Variants in FBXO42 observed in about 807,000 individuals in gnomAD.
The protein encoded by FBXO42 is F-box protein 42.
Under a neutral mutation model 71.7 loss-of-function variants are expected in FBXO42, and 12 were observed. The ratio of observed to expected loss-of-function variants is 0.17; its 90% CI spans 0.11 to 0.27. The LOEUF is 0.27. Among genes scored for constraint, FBXO42 ranks in the 10% least tolerant of loss-of-function variants. The pLI, the probability that FBXO42 is intolerant of heterozygous loss-of-function variation, is 1.00. For missense variants in FBXO42, 707 were observed against 911.9 expected (o/e 0.78, Z 2.89); for synonymous variants, 325 against 327.5 (o/e 0.99, Z 0.08).
At chr1:16,263,595 C>T (rs2081737839) in intron 4 of FBXO42, among the ~76,000 whole-genome samples, 1 of 151,126 alleles carries the variant, frequency 6.6e-6, no homozygotes, top group Non-Finnish European at 1.5e-5. Context: ...TGGTGGTGCA[C>T]ACCTGTAATC....
chr1:16,255,129 C>G (rs914754214), intron 6 of FBXO42, among the ~76,000 whole-genome samples: 3 of 152,164 alleles, frequency 2.0e-5, no homozygotes, highest in African/African-American at 7.2e-5. Flanking sequence ...TCTGCAGGCA[C>G]AGCACAGCAG....
intron 4 of FBXO42, among the ~76,000 whole-genome samples, chr1:16,277,674 G>A (rs1287641960): frequency 4.1e-5 from 6 of 144,722 alleles, no homozygotes; most frequent in East Asian, 4.1e-4. Flanking sequence ...GCAATGAGCC[G>A]AAATTCGCCA....
At chr1:16,331,590 G>A (rs6687157) in intron 1 of FBXO42, among the ~76,000 whole-genome samples, 50,381 of 147,580 alleles carry the variant, frequency 0.34, 8,870 homozygotes, top group African/African-American at 0.41. Context: ...CCCTGTCTCT[G>A]CTAAAAATAC....
chr1:16,334,021 AT>A (rs2100615017), intron 1 of FBXO42, among the ~76,000 whole-genome samples: 1 of 152,342 alleles, frequency 6.6e-6, no homozygotes, highest in African/African-American at 2.4e-5. Flanking sequence ...ATTCTGTACC[AT>A]TTCTATGAAA....
intron 4 of FBXO42, among the ~76,000 whole-genome samples, chr1:16,262,108 T>C (rs1451858430): frequency 2.0e-5 from 3 of 152,186 alleles, no homozygotes; most frequent in Non-Finnish European, 4.4e-5. Flanking sequence ...ACTTTAAGAA[T>C]TGATATTGTG....
At chr1:16,302,573 A>T (rs964325819) in intron 3 of FBXO42, among the ~76,000 whole-genome samples, 5 of 152,104 alleles carry the variant, frequency 3.3e-5, no homozygotes, top group African/African-American at 1.2e-4. Context: ...GCAGTGGTGC[A>T]ATCTCAGCTC....
At chr1:16,291,401 G>C (rs2082076530) in intron 4 of FBXO42, among the ~76,000 whole-genome samples, 1 of 150,210 alleles carries the variant, frequency 6.7e-6, no homozygotes, top group African/African-American at 2.5e-5. Flanking sequence ...ATTTTATTTT[G>C]AGACAGTCTC....
intron 3 of FBXO42, among the ~76,000 whole-genome samples, chr1:16,298,975 T>C (rs2100540918): frequency 6.6e-6 from 1 of 152,202 alleles, no homozygotes; most frequent in African/African-American, 2.4e-5. Context: ...AAGAACACAG[T>C]GCCTGTATTT....
intron 3 of FBXO42, among the ~76,000 whole-genome samples, chr1:16,298,970 C>T (rs1246377019): frequency 6.6e-6 from 1 of 152,056 alleles, no homozygotes; most frequent in Non-Finnish European, 1.5e-5. Flanking sequence ...AGCAAAAGAA[C>T]ACAGTGCCTG....
intron 7 of FBXO42, 148 bp from the exon 8 acceptor site, chr1:16,253,300 C>T: frequency 1.6e-6 from 1 of 643,254 alleles, no homozygotes; most frequent in South Asian, 2.1e-5. Flanking sequence ...AAAAACATAT[C>T]AATTCTGATC....
At chr1:16,334,973 T>A (rs1432249288) in intron 1 of FBXO42, among the ~76,000 whole-genome samples, 1 of 137,848 alleles carries the variant, frequency 7.3e-6, no homozygotes, top group Non-Finnish European at 1.5e-5. Context: ...ACACCCGTAA[T>A]CCCAGCACTG....
intron 3 of FBXO42, among the ~76,000 whole-genome samples, chr1:16,303,949 C>T (rs1268332480): frequency 6.6e-6 from 1 of 151,890 alleles, no homozygotes; most frequent in Non-Finnish European, 1.5e-5. Context: ...GACGGGGTTT[C>T]ACCGTGTTAG....
intron 2 of FBXO42, among the ~76,000 whole-genome samples, chr1:16,314,167 G>A (rs1460692218): frequency 6.6e-6 from 1 of 152,126 alleles, no homozygotes; most frequent in East Asian, 1.9e-4. Flanking sequence ...GGCCAGGCTG[G>A]TCTCGAACTT....
At position 16,337,846 on chromosome 1, in the gene FBXO42, T is replaced by C. The variant is rs1462128452; in HGVS notation, c.-18+14409A>G. Among the ~76,000 whole-genome samples the C allele has an allele frequency of 2.7e-5, 3 of 110,110 alleles. No individual in the cohort carries two copies. In the Admixed American group the frequency reaches 4.1e-4, roughly 15 times the overall value. 72.2% of individuals were successfully genotyped at this position (110,110 alleles called of 152,430 possible). A position where few individuals can be genotyped will look rare whatever the true frequency, so the allele number is the denominator to read the frequency against. On this transcript the variant is annotated intron_variant, in intron 1 of 9. Transcript: ENST00000375592. ...TTGCAGTGAGTGGAGATCGCGCCACTGTACTCCAGCCTGGGAGAAAGAGCG... is the reference window on the plus strand; with the variant it reads ...TTGCAGTGAGTGGAGATCGCGCCACCGTACTCCAGCCTGGGAGAAAGAGCG...
At chr1:16,283,494 G>GTTTTCTTT (rs1553151401) in intron 4 of FBXO42, among the ~76,000 whole-genome samples, 1 of 80,972 alleles carries the variant, frequency 1.2e-5, no homozygotes, top group African/African-American at 4.5e-5. Context: ...ACTGTGGCAA[G>GTTTTCTTT]TTTTTTTTTT....
chr1:16,309,042 C>T (rs1466010277), intron 2 of FBXO42, among the ~76,000 whole-genome samples: 5 of 142,534 alleles, frequency 3.5e-5, no homozygotes, highest in Admixed American at 7.2e-5. Context: ...CATGCCAGGC[C>T]GGGAGACCCC....
At chr1:16,300,733 C>T (rs902909798) in intron 3 of FBXO42, among the ~76,000 whole-genome samples, 3 of 152,094 alleles carry the variant, frequency 2.0e-5, no homozygotes, top group South Asian at 2.1e-4. Context: ...GTGTATGAAA[C>T]TACCTGACTA....
chr1:16,295,390 T>C (rs1252183660), intron 3 of FBXO42, among the ~76,000 whole-genome samples: 1 of 152,158 alleles, frequency 6.6e-6, no homozygotes, highest in Non-Finnish European at 1.5e-5. Context: ...ATCTTTTTTT[T>C]TTCTTTCTTT....
At chr1:16,256,796 G>A (rs773948768) in intron 4 of FBXO42, 37 bp from the exon 5 acceptor site, 2 of 1,609,946 alleles carry the variant, frequency 1.2e-6, no homozygotes, top group South Asian at 1.1e-5. Flanking sequence ...TAGCATTCAG[G>A]ATCTCACAAC....
Sources: gnomAD v4.1 joint callset for allele counts (sites outside exome capture counted in the v4.1 genomes callset) on GRCh38, gnomAD v4.1.1 for gene constraint, MANE v1.5 for transcripts, NCBI Gene and HGNC (gene_info 2026-07-23, HGNC 2026-07-21) for gene names.